The following CUEDC1 variants were observed in gnomAD, a reference collection of about 807,000 sequenced individuals.
CUEDC1 encodes the protein CUE domain-containing protein 1.
Under a neutral mutation model 43.7 loss-of-function variants are expected in CUEDC1, and 30 were observed. The observed-to-expected ratio is 0.69, with a 90% CI of 0.51 to 0.93. The LOEUF is 0.93. CUEDC1 is among the 40% of genes least tolerant of loss of function. The pLI is 0.00. For missense variants in CUEDC1, 486 were observed against 549.0 expected, an observed-to-expected ratio of 0.89 and a Z score of 1.15; for synonymous variants, 223 against 223.6, an observed-to-expected ratio of 1.00 and a Z score of 0.02.
intron 1 of CUEDC1, among the ~76,000 whole-genome samples, chr17:57,937,964 GC>G (rs1348651463): frequency 6.6e-6 from 1 of 151,982 alleles, no homozygotes; most frequent in Non-Finnish European, 1.5e-5. Context: ...AGCATGAGAA[GC>G]CAAAAAATAA....
intron 7 of CUEDC1, among the ~76,000 whole-genome samples, 180 bp downstream of exon 7, chr17:57,868,942 A>G (rs2073998466): frequency 6.6e-6 from 1 of 152,124 alleles, no homozygotes; most frequent in South Asian, 2.1e-4. Context: ...TTGTATCTAG[A>G]CTCAGCTGTA....
intron 2 of CUEDC1, 26 bp from the exon 3 acceptor site, chr17:57,879,764 A>C: frequency 6.3e-7 from 1 of 1,585,512 alleles, no homozygotes; most frequent in Non-Finnish European, 8.6e-7. Context: ...CAGAGAAAGA[A>C]ATATTAATCA....
intron 7 of CUEDC1, among the ~76,000 whole-genome samples, chr17:57,868,854 C>T (rs2073997337): frequency 6.6e-6 from 1 of 152,218 alleles, no homozygotes; most frequent in South Asian, 2.1e-4. Context: ...AGAACGTGAA[C>T]ATGAGGATTG....
chr17:57,952,961 G>T (rs940133601), intron 1 of CUEDC1, among the ~76,000 whole-genome samples: 12 of 152,098 alleles, frequency 7.9e-5, no homozygotes, highest in African/African-American at 2.9e-4. Flanking sequence ...GGCAGGCCAG[G>T]CCTCCTCTGG....
chr17:57,921,581 T>C (rs1169037936), intron 1 of CUEDC1, among the ~76,000 whole-genome samples: 1 of 152,196 alleles, frequency 6.6e-6, no homozygotes, highest in African/African-American at 2.4e-5. Flanking sequence ...GTCTGGCCCA[T>C]TTGCTTTGTG....
intron 1 of CUEDC1, among the ~76,000 whole-genome samples, chr17:57,895,415 T>C (rs1597991206): frequency 6.6e-6 from 1 of 152,034 alleles, no homozygotes; most frequent in Non-Finnish European, 1.5e-5. Flanking sequence ...AGGCTGGGGG[T>C]GCCTGGGTGC....
At chr17:57,884,110 G>A (rs7214015) in intron 2 of CUEDC1, among the ~76,000 whole-genome samples, 19,586 of 151,858 alleles carry the variant, frequency 0.13, 1,431 homozygotes, top group African/African-American at 0.19. Context: ...GCCACAGTCA[G>A]AGGGATTTAA....
intron 1 of CUEDC1, among the ~76,000 whole-genome samples, chr17:57,944,677 C>T (rs781300280): frequency 2.3e-4 from 35 of 152,196 alleles, no homozygotes; most frequent in Non-Finnish European, 3.4e-4. Context: ...CAGAATGACA[C>T]AGCCCACACA....
intron 2 of CUEDC1, among the ~76,000 whole-genome samples, chr17:57,881,395 GA>G (rs942845285): frequency 3.9e-5 from 6 of 152,140 alleles, no homozygotes; most frequent in African/African-American, 1.2e-4. Context: ...CACAAGAAAG[GA>G]AAAAAGAGAG....
At chr17:57,905,392 T>G (rs2074520938) in intron 1 of CUEDC1, among the ~76,000 whole-genome samples, 1 of 152,112 alleles carries the variant, frequency 6.6e-6, no homozygotes, top group Non-Finnish European at 1.5e-5. Context: ...TGAGGCCAGG[T>G]GGGTGGCCCT....
chr17:57,863,049 C>T lies in CUEDC1; in HGVS notation c.*240G>A, dbSNP rs942355408. ...TGGCTACAAAAGGGGCTGTAATTGG[C>T]TGCTGCCTATAGGGGCCCCAGGTCC... On this transcript the variant is annotated 3_prime_UTR_variant, in exon 11 of 11. Transcript: ENST00000577830. The T allele has an allele frequency of 2.2e-5, 3 of 133,778 alleles. No homozygotes were observed. Among genetic ancestry groups the T allele is most frequent in the African/African-American group, 9.0e-5 (3 of 33,350 alleles). The allele number at this position is 133,778 out of a possible 1,614,324, so 8.3% of individuals were successfully genotyped here.
At chr17:57,875,502 C>T (rs1056314081) in intron 3 of CUEDC1, among the ~76,000 whole-genome samples, 7 of 152,022 alleles carry the variant, frequency 4.6e-5, no homozygotes, top group Non-Finnish European at 2.9e-5. Context: ...CCCACAGCTG[C>T]GTGAGCCAGG....
intron 1 of CUEDC1, among the ~76,000 whole-genome samples, chr17:57,928,367 G>A (rs1473396459): frequency 6.7e-6 from 1 of 148,370 alleles, no homozygotes; most frequent in Non-Finnish European, 1.5e-5. Context: ...GGCTAACACG[G>A]TGAAACCCCA....
At position 57,885,279 on chromosome 17, in the gene CUEDC1, C is replaced by CGCT; in HGVS notation, c.283_285dup (p.Ser95dup). The stretch of plus-strand genomic sequence containing the variant: ...TCGGAGCTGTCCTCATAGACGCCGC[C>CGCT]GCTGCTGCCACCGCCCTCCAGGTTC... On this transcript the variant is annotated inframe_insertion, in exon 2 of 11. Transcript: ENST00000577830. 1 of 1,606,150 alleles carries CGCT rather than the reference C, an allele frequency of 6.2e-7. No homozygotes were observed. The highest frequency in any genetic ancestry group is 2.2e-5 in the East Asian group (1 of 44,560).
In CUEDC1 at chr17:57,869,186, G is replaced by C; in HGVS notation, c.876C>G (p.Gly292=). ...FGFSSPVPGT[G]DANPAVSEDA... The stretch of plus-strand genomic sequence containing the variant: ...CTTCAGACACAGCGGGGTTGGCGTC[G>C]CCAGTTCCTGGAAGGAGACACCTGC... Residue 292 remains glycine (G), a synonymous_variant, in exon 7 of 11, where the codon GGC becomes GGG. Coordinates refer to ENST00000577830, the MANE Select transcript of CUEDC1 (RefSeq NM_001271875.2). 6.2e-7 allele frequency: 1 copy of C among 1,613,650 alleles called. No individual in the cohort carries two copies. Among genetic ancestry groups the C allele is most frequent in the Non-Finnish European group, 8.5e-7 (1 of 1,179,816 alleles).
chr17:57,931,754 G>T (rs2074805947), intron 1 of CUEDC1, among the ~76,000 whole-genome samples: 1 of 152,144 alleles, frequency 6.6e-6, no homozygotes, highest in Admixed American at 6.5e-5. Flanking sequence ...CCAACCAAAG[G>T]TGTCTCAATA....
At chr17:57,917,763 C>T (rs976881813) in intron 1 of CUEDC1, among the ~76,000 whole-genome samples, 2 of 152,228 alleles carry the variant, frequency 1.3e-5, no homozygotes, top group African/African-American at 4.8e-5. Context: ...GCCACATCAG[C>T]CTCATTTAAC....
At chr17:57,927,681 A>T (rs1480977811) in intron 1 of CUEDC1, among the ~76,000 whole-genome samples, 1 of 152,208 alleles carries the variant, frequency 6.6e-6, no homozygotes, top group Non-Finnish European at 1.5e-5. Flanking sequence ...AACCCCACTC[A>T]TCCAAAGAAA....
At chr17:57,898,772 C>T (rs2074440091) in intron 1 of CUEDC1, among the ~76,000 whole-genome samples, 1 of 152,160 alleles carries the variant, frequency 6.6e-6, no homozygotes, top group South Asian at 2.1e-4. Context: ...TCAGGGACCT[C>T]CAGGACCTCA....
Sources: gnomAD v4.1 joint callset for allele counts (sites outside exome capture counted in the v4.1 genomes callset) on GRCh38, gnomAD v4.1.1 for gene constraint, MANE v1.5 for transcripts, NCBI Gene and HGNC (gene_info 2026-07-23, HGNC 2026-07-21) for gene names.